CPAP: variants seen among roughly 807,000 people sequenced by gnomAD.
CPAP encodes the protein centrosome assembly and centriole elongation protein.
the CPAP span, among the ~76,000 whole-genome samples, chr13:24,897,247 A>T: frequency 1.3e-5 from 2 of 152,306 alleles, no homozygotes; most frequent in East Asian, 3.9e-4. Flanking sequence ...AAATAAAAAT[A>T]AAAAACTGAA....
chr13:24,892,881 AAAAC>A, the CPAP span: 37,903 of 1,362,882 alleles, frequency 0.028, 153 homozygotes, highest in Non-Finnish European at 0.034. Context: ...TCAAAAAAAA[AAAAC>A]AAAAAGAAAA....
chr13:24,899,414 C>T, the CPAP span: 1 of 1,604,962 alleles, frequency 6.2e-7, no homozygotes, highest in Non-Finnish European at 8.5e-7. Context: ...AAAGAACTAG[C>T]ATACCTGTAT....
the CPAP span, chr13:24,883,255 A>G: frequency 1.2e-6 from 2 of 1,614,052 alleles, no homozygotes; most frequent in Non-Finnish European, 1.7e-6. Context: ...TCGTTTCTTG[A>G]TGACCGTTTG....
At chr13:24,904,483 T>C in the CPAP span, among the ~76,000 whole-genome samples, 1 of 152,218 alleles carries the variant, frequency 6.6e-6, no homozygotes, top group Non-Finnish European at 1.5e-5. Flanking sequence ...CTATTTAAAA[T>C]GTAAAATAGC....
chr13:24,910,158 C>G, the CPAP span: 1 of 1,383,870 alleles, frequency 7.2e-7, no homozygotes, highest in Non-Finnish European at 1.0e-6. Flanking sequence ...AGTAGTGACC[C>G]CCACCCCACA....
the CPAP span, chr13:24,884,004 T>G: frequency 6.2e-7 from 1 of 1,614,188 alleles, no homozygotes; most frequent in South Asian, 1.1e-5. Flanking sequence ...AAATGCTTTC[T>G]TCTTGTCCAT....
chr13:24,906,006 C>G, the CPAP span: 1 of 1,614,124 alleles, frequency 6.2e-7, no homozygotes, highest in South Asian at 1.1e-5. Flanking sequence ...CTCTTTTGGA[C>G]GGCTTTCCTG....
the CPAP span, chr13:24,906,917 GGTT>G: frequency 6.2e-7 from 1 of 1,613,992 alleles, no homozygotes; most frequent in Non-Finnish European, 8.5e-7. Context: ...TTTTAAAAAT[GGTT>G]GTTTTGGTTT....
At chr13:24,906,214 G>A in the CPAP span, 2 of 1,612,064 alleles carry the variant, frequency 1.2e-6, no homozygotes, top group African/African-American at 1.3e-5. Context: ...GGTGACCTTT[G>A]CAGATCTGTT....
chr13:24,891,519 C>T, the CPAP span, among the ~76,000 whole-genome samples: 1 of 152,126 alleles, frequency 6.6e-6, no homozygotes. Flanking sequence ...AAACACAAAA[C>T]TAAGCACAGT....
At chr13:24,909,168 T>C in the CPAP span, among the ~76,000 whole-genome samples, 1 of 152,162 alleles carries the variant, frequency 6.6e-6, no homozygotes, top group Non-Finnish European at 1.5e-5. Context: ...TGGAAACATG[T>C]TGTATAAAAA....
At chr13:24,895,333 T>C in the CPAP span, among the ~76,000 whole-genome samples, 5 of 151,938 alleles carry the variant, frequency 3.3e-5, no homozygotes, top group Non-Finnish European at 7.4e-5. Context: ...CCCAGCACTT[T>C]GGGAGGCTGA....
At chr13:24,924,857 C>A in the CPAP span, 2 of 150,390 alleles carry the variant, frequency 1.3e-5, no homozygotes, top group African/African-American at 4.9e-5. Context: ...CTCAACTTTT[C>A]TGAAACCAGT....
At chr13:24,923,686 C>G in the CPAP span, among the ~76,000 whole-genome samples, 35 of 152,170 alleles carry the variant, frequency 2.3e-4, no homozygotes, top group Non-Finnish European at 4.4e-4. Flanking sequence ...ACCGTTATAA[C>G]TGAAACAAAC....
the CPAP span, chr13:24,886,217 A>T: frequency 1.2e-6 from 1 of 859,622 alleles, no homozygotes; most frequent in Non-Finnish European, 1.7e-6. Context: ...CCAATGGATC[A>T]TATTGTAAAC....
At chr13:24,883,595 CT>C in the CPAP span, among the ~76,000 whole-genome samples, 1 of 152,064 alleles carries the variant, frequency 6.6e-6, no homozygotes, top group Non-Finnish European at 1.5e-5. Context: ...TCACAAAATG[CT>C]TAGTAACTTT....
chr13:24,886,748 A>AAGAC, the CPAP span, among the ~76,000 whole-genome samples: 1 of 152,218 alleles, frequency 6.6e-6, no homozygotes, highest in Admixed American at 6.5e-5. Context: ...CTTTAGAGAA[A>AAGAC]AGACTAGAAT....
At chr13:24,889,177 A>T in the CPAP span, 5 of 701,460 alleles carry the variant, frequency 7.1e-6, no homozygotes, top group Middle Eastern at 3.3e-4. Context: ...GATGCACAGG[A>T]GCTTCAATTA....
At chr13:24,912,517 G>C in the CPAP span, 4 of 1,352,640 alleles carry the variant, frequency 3.0e-6, no homozygotes, top group Admixed American at 7.0e-5. Context: ...TAGAACAAAT[G>C]ACTTTATTAC....
Sources: gnomAD v4.1 joint callset for allele counts (sites outside exome capture counted in the v4.1 genomes callset) on GRCh38, gnomAD v4.1.1 for gene constraint, MANE v1.5 for transcripts, NCBI Gene and HGNC (gene_info 2026-07-23, HGNC 2026-07-21) for gene names.